Variants in IPO13 observed in about 807,000 individuals in gnomAD.
IPO13 encodes importin-13.
Under a neutral mutation model 115.5 loss-of-function variants are expected in IPO13, and 28 were observed. The observed-to-expected ratio is 0.24, with a 90% CI of 0.18 to 0.33. The LOEUF (loss-of-function observed/expected upper bound fraction) is 0.33. Among genes scored for constraint, IPO13 ranks in the 10% least tolerant of loss-of-function variants. The pLI is 1.00. For synonymous variants in IPO13, 414 were observed against 478.9 expected (o/e 0.86, Z 1.77); for missense variants, 785 against 1,204.6 (o/e 0.65, Z 5.16).
chr1:43,948,857 G>T (rs866116722), intron 1 of IPO13, among the ~76,000 whole-genome samples: 2 of 152,258 alleles, frequency 1.3e-5, no homozygotes, highest in African/African-American at 4.8e-5. Flanking sequence ...TCTGAGGAGT[G>T]TTCTCACCCT....
intron 11 of IPO13, among the ~76,000 whole-genome samples, chr1:43,959,599 G>A (rs532113397): frequency 6.6e-6 from 1 of 152,288 alleles, no homozygotes; most frequent in African/African-American, 2.4e-5. Flanking sequence ...TTTAGTCGTT[G>A]TTCCCAGAAC....
At position 43,956,479 on chromosome 1, in the gene IPO13, T is replaced by C; in HGVS notation, c.962+19T>C. The C allele has an allele frequency of 4.3e-6, 7 of 1,614,008 alleles. No homozygotes were observed. Among genetic ancestry groups the C allele is most frequent in the Non-Finnish European group, 5.1e-6 (6 of 1,179,968 alleles). ...ACTCCCGGTAAAGGGTGGAGCAGCT[T>C]GGGGTGGGATAGTAGGGCCCTCTAA... On this transcript the variant is annotated intron_variant, in intron 3 of 19. Transcript: ENST00000372343. The surrounding 1 kb of genome is among the most constrained non-coding windows in gnomAD (Gnocchi z 4.7).
intron 14 of IPO13, 84 bp downstream of exon 14, chr1:43,961,346 T>A: frequency 9.5e-7 from 1 of 1,047,948 alleles, no homozygotes; most frequent in Non-Finnish European, 1.5e-6. Flanking sequence ...CTGCCCACTC[T>A]GTTCTTCTCT....
Position 43,966,172 on chromosome 1 carries a change from C to T in IPO13, c.2398-403C>T, listed in dbSNP as rs1470060985. The T allele has an allele frequency of 1.1e-5, 3 of 267,758 alleles. No individual in the cohort carries two copies. The highest frequency in any genetic ancestry group is 2.2e-5 in the Non-Finnish European group (3 of 134,874). The allele number at this position is 267,758 out of a possible 1,614,324, so 16.6% of individuals were successfully genotyped here. ...GCTCCCTGTCTGGCTGCCATCTCTT[C>T]TTCCTGCTACCCTGTTCACAAACTG... On this transcript the variant is annotated intron_variant, in intron 15 of 19. Transcript: ENST00000372343. This position sits in a 1 kb window ranked among gnomAD's most constrained non-coding sequence, Gnocchi z 4.1.
Position 43,966,820 on chromosome 1 carries a change from A to AGTGCC in IPO13, c.2523+39_2523+43dup. 2 of 1,612,164 alleles carry AGTGCC rather than the reference A, an allele frequency of 1.2e-6. No individual in the cohort carries two copies. On this transcript the variant is annotated intron_variant, in intron 17 of 19. Coordinates refer to ENST00000372343, the MANE Select transcript of IPO13 (RefSeq NM_014652.4). This position sits in a 1 kb window ranked among gnomAD's most constrained non-coding sequence, Gnocchi z 4.1. ...CTGAACCCTGACCCACTGCCACCCC[A>AGTGCC]GTGCCCTCCCCTGCCCAGGACTTCA...
In IPO13 at chr1:43,957,406, C is replaced by T; in HGVS notation, c.1397C>T (p.Thr466Ile). The change falls in exon 7 of 20, where the codon ACA becomes ATA. Residue 466 changes from threonine to isoleucine, a missense_variant. By Grantham distance (89) the Thr-to-Ile change is moderately conservative. Around this residue, in one of 3 missense-constraint regions of IPO13, gnomAD observed 175 missense variants for 360.0 expected, o/e 0.49. Coordinates refer to ENST00000372343, the MANE Select transcript of IPO13 (RefSeq NM_014652.4). The part of the protein sequence containing the change: ...SSEEPYSWQH[T>I]EALLYGFQSI... Reference sequence around the variant, plus strand: ...AGTGGCACCCTCTTTCCCCAGCACACAGAGGCCCTCCTCTACGGCTTCCAA... The same window carrying T: ...AGTGGCACCCTCTTTCCCCAGCACATAGAGGCCCTCCTCTACGGCTTCCAA... 1 of 1,614,192 alleles carries T rather than the reference C, an allele frequency of 6.2e-7. No homozygotes were observed. The highest frequency in any genetic ancestry group is 1.3e-5 in the African/African-American group (1 of 75,054).
Position 43,956,774 on chromosome 1 carries a change from G to C in IPO13, c.1105-36G>C. 1 of 1,613,586 alleles carries C rather than the reference G, an allele frequency of 6.2e-7. No individual in the cohort carries two copies. The highest frequency in any genetic ancestry group is 8.5e-7 in the Non-Finnish European group (1 of 1,179,656). The stretch of plus-strand genomic sequence containing the variant: ...TGGATCATGGGCTTCTATGACTGCT[G>C]GTGAGGTGGCTAATTCTCTTCCCTG... On this transcript the variant is annotated intron_variant, in intron 4 of 19. Transcript: ENST00000372343. This position sits in a 1 kb window ranked among gnomAD's most constrained non-coding sequence, Gnocchi z 4.7.
chr1:43,947,584 C>T lies in IPO13; in HGVS notation c.-17C>T. The T allele has an allele frequency of 1.6e-6, 2 of 1,274,816 alleles. No individual in the cohort carries two copies. The highest frequency in any genetic ancestry group is 2.5e-5 in the South Asian group (1 of 39,842). 79.0% of individuals were successfully genotyped at this position (1,274,816 alleles called of 1,614,324 possible). The stretch of plus-strand genomic sequence containing the variant: ...AGACAGATCAGGGCCCACCTCCCTG[C>T]CAGGGAGGGAGCAAAGATGGAGCGG... On this transcript the variant is annotated 5_prime_UTR_variant, in exon 1 of 20. Coordinates refer to ENST00000372343, the MANE Select transcript of IPO13 (RefSeq NM_014652.4).
chr1:43,966,902 G>C lies in IPO13; in HGVS notation c.2524-28G>C. The C allele has an allele frequency of 6.2e-7, 1 of 1,611,202 alleles. No individual in the cohort carries two copies. The highest frequency in any genetic ancestry group is 8.5e-7 in the Non-Finnish European group (1 of 1,177,678). On this transcript the variant is annotated intron_variant, in intron 17 of 19. Transcript: ENST00000372343. This position sits in a 1 kb window ranked among gnomAD's most constrained non-coding sequence, Gnocchi z 4.1. ...CTCAGGGAGAGCTGGGAAGGAGCTG[G>C]GCTGATGGGCCTCTCCATCCTCTGC...
Position 43,958,915 on chromosome 1 carries a change from G to A in IPO13, c.2028+26G>A. 6.2e-7 allele frequency: 1 copy of A among 1,608,778 alleles called. No homozygotes were observed. Among genetic ancestry groups the A allele is most frequent in the Non-Finnish European group, 8.5e-7 (1 of 1,175,796 alleles). ...GTGGGTGACATTTGCCCACGGCAAA[G>A]ACATTTGTCTTTGCCATCCCCCCAA... On this transcript the variant is annotated intron_variant, in intron 11 of 19. Transcript: ENST00000372343. The surrounding 1 kb of genome is among the most constrained non-coding windows in gnomAD (Gnocchi z 6.3).
At position 43,967,063 on chromosome 1, in the gene IPO13, C is replaced by A; in HGVS notation, c.2613+44C>A. On this transcript the variant is annotated intron_variant, in intron 18 of 19. Coordinates refer to ENST00000372343, the MANE Select transcript of IPO13 (RefSeq NM_014652.4). The surrounding 1 kb of genome is among the most constrained non-coding windows in gnomAD (Gnocchi z 6.1). ...GGGTTTGATGGGGGTGAGGGCCCCT[C>A]ACTGCTGAGGCAGCTGGCCTTCTGG... 1.9e-6 allele frequency: 3 copies of A among 1,557,736 alleles called. No homozygotes were observed. The highest frequency in any genetic ancestry group is 1.1e-5 in the South Asian group (1 of 89,912).
chr1:43,957,390 C>T lies in IPO13; in HGVS notation c.1393-12C>T. 6.2e-7 allele frequency: 1 copy of T among 1,614,134 alleles called. No homozygotes were observed. On this transcript the variant is annotated splice_polypyrimidine_tract_variant and intron_variant, in intron 6 of 19. Transcript: ENST00000372343. ...CCTCCTCATCCAAGCCAGTGGCACC[C>T]TCTTTCCCCAGCACACAGAGGCCCT...
chr1:43,965,302 CA>C (rs1349346088), intron 15 of IPO13, among the ~76,000 whole-genome samples: 1 of 152,074 alleles, frequency 6.6e-6, no homozygotes, highest in Non-Finnish European at 1.5e-5. Context: ...TTTGCTTAAT[CA>C]TTCCACAGAT....
intron 11 of IPO13, 128 bp downstream of exon 11, chr1:43,959,017 C>CAGG: frequency 2.2e-6 from 2 of 918,360 alleles, no homozygotes; most frequent in Non-Finnish European, 3.3e-6. Flanking sequence ...GCCCCGTGGG[C>CAGG]GTGATATATT....
chr1:43,960,962 T>C lies in IPO13; in HGVS notation c.2196T>C (p.Gly732=). The C allele has an allele frequency of 6.2e-7, 1 of 1,614,156 alleles. No homozygotes were observed. Among genetic ancestry groups the C allele is most frequent in the East Asian group, 2.2e-5 (1 of 44,884 alleles). ...TGCCACAGCTGTGTGAGATGCTGGG[T>C]CGGATGTACAGCACCATCCCCCAGG... ...PMVPQLCEML[G]RMYSTIPQAS... is the part of the protein sequence containing the mutation. The change falls in exon 13 of 20, where the codon GGT becomes GGC. Residue 732 remains glycine (G), a synonymous_variant. Transcript: ENST00000372343.
At chr1:43,964,373 C>G in intron 15 of IPO13, 52 bp downstream of exon 15, 1 of 1,402,812 alleles carries the variant, frequency 7.1e-7, no homozygotes, top group Non-Finnish European at 9.9e-7. Flanking sequence ...TTCTCTTTCT[C>G]TTATGTTGAA....
At position 43,966,311 on chromosome 1, in the gene IPO13, T is replaced by C; in HGVS notation, c.2398-264T>C. On this transcript the variant is annotated intron_variant, in intron 15 of 19. Coordinates refer to ENST00000372343, the MANE Select transcript of IPO13 (RefSeq NM_014652.4). The surrounding 1 kb of genome is among the most constrained non-coding windows in gnomAD (Gnocchi z 4.1). ...GGAAAGGTGTCTGGAACCCAAACTT[T>C]CTGCATTATGATCCCCACCCCCAAC... 1 of 566,132 alleles carries C rather than the reference T, an allele frequency of 1.8e-6. No individual in the cohort carries two copies. Among genetic ancestry groups the C allele is most frequent in the Non-Finnish European group, 3.2e-6 (1 of 315,172 alleles). 35.1% of individuals were successfully genotyped at this position (566,132 alleles called of 1,614,324 possible).
At chr1:43,949,320 G>C (rs529415538) in intron 1 of IPO13, 97 bp from the exon 2 acceptor site, 132 of 1,336,904 alleles carry the variant, frequency 9.9e-5, no homozygotes, top group Non-Finnish European at 1.3e-4. Flanking sequence ...CAGTCAGGGA[G>C]AGGGAGCAGC....
At chr1:43,954,591 C>A (rs965218711) in intron 2 of IPO13, among the ~76,000 whole-genome samples, 27 of 152,266 alleles carry the variant, frequency 1.8e-4, no homozygotes, top group African/African-American at 6.3e-4. Context: ...AGTGTGGCTT[C>A]CTCTGCTTAG....
Sources: gnomAD v4.1 joint callset for allele counts (sites outside exome capture counted in the v4.1 genomes callset) on GRCh38, gnomAD v4.1.1 for gene constraint, gnomAD v4.1.1 regional missense constraint, Gnocchi (gnomAD v3.1) non-coding constraint, MANE v1.5 for transcripts, NCBI Gene and HGNC (gene_info 2026-07-23, HGNC 2026-07-21) for gene names.